Variants in MCIDAS observed in about 807,000 individuals in gnomAD.
The protein encoded by MCIDAS is multicilin.
Under a neutral mutation model 35.4 loss-of-function variants are expected in MCIDAS, and 23 were observed. The observed-to-expected ratio is 0.65, with a 90% CI of 0.47 to 0.92. The LOEUF (loss-of-function observed/expected upper bound fraction) is 0.92. Among genes scored for constraint, MCIDAS ranks in the 40% least tolerant of loss-of-function variants. The pLI is 0.00. For synonymous variants in MCIDAS, 228 were observed against 235.2 expected, an observed-to-expected ratio of 0.97 and a Z score of 0.28; for missense variants, 480 against 531.8, an observed-to-expected ratio of 0.90 and a Z score of 0.96.
Position 55,226,879 on chromosome 5 carries a change from G to A in MCIDAS, c.173C>T (p.Ser58Leu). 7.1e-7 allele frequency: 1 copy of A among 1,408,916 alleles called. No homozygotes were observed. Among genetic ancestry groups the A allele is most frequent in the Non-Finnish European group, 9.2e-7 (1 of 1,087,564 alleles). The allele number at this position is 1,408,916 out of a possible 1,614,324, so 87.3% of individuals were successfully genotyped here. Residue 58 changes from serine to leucine, a missense_variant, in exon 2 of 7, where the codon TCG (serine) becomes TTG (leucine). By Grantham distance (145) the Ser-to-Leu change is moderately radical. Transcript: ENST00000513312. ...FPGCTGGSPV[S>L]VYEDPPDAEP... Reference sequence around the variant, plus strand: ...GGCGTCCGGGGGATCCTCGTACACCGACACCGGGCTCCCGCCTGTGCATCC... The same window carrying A: ...GGCGTCCGGGGGATCCTCGTACACCAACACCGGGCTCCCGCCTGTGCATCC...
intron 6 of MCIDAS, 63 bp from the exon 7 acceptor site, chr5:55,220,869 CA>C: frequency 6.7e-7 from 1 of 1,483,736 alleles, no homozygotes; most frequent in East Asian, 2.5e-5. Flanking sequence ...TCGGAGCGTG[CA>C]AAAGGTGACC....
Position 55,221,754 on chromosome 5 carries a change from G to A in MCIDAS, c.606+422C>T, listed in dbSNP as rs549204501. Reference sequence around the variant, plus strand: ...AGCCTGGCCAACATGGTGAAACCCCGTCTCTACTAAAAATATAAAAATTGG... The same window carrying A: ...AGCCTGGCCAACATGGTGAAACCCCATCTCTACTAAAAATATAAAAATTGG... On this transcript the variant is annotated intron_variant, in intron 5 of 6. Coordinates refer to ENST00000513312, the MANE Select transcript of MCIDAS (RefSeq NM_001190787.3). 3.3e-5 allele frequency among the ~76,000 whole-genome samples: 5 copies of A among 152,054 alleles called. No individual in the cohort carries two copies. In the East Asian group the frequency reaches 7.7e-4, roughly 24 times the overall value.
At position 55,223,389 on chromosome 5, in the gene MCIDAS, G is replaced by A. The variant is rs993682147; in HGVS notation, c.310-366C>T. 6.6e-6 allele frequency among the ~76,000 whole-genome samples: 1 copy of A among 152,222 alleles called. No homozygotes were observed. Among genetic ancestry groups the A allele is most frequent in the Non-Finnish European group, 1.5e-5 (1 of 68,036 alleles). On this transcript the variant is annotated intron_variant, in intron 3 of 6. Coordinates refer to ENST00000513312, the MANE Select transcript of MCIDAS (RefSeq NM_001190787.3). The surrounding 1 kb of genome is among the most constrained non-coding windows in gnomAD (Gnocchi z 4.4). ...GACTGGGGGAAGGGGGCAGCAGTTC[G>A]CGGCTCCTGCAGAGCAGCTGCGTGG...
Position 55,220,225 on chromosome 5 carries a change from T to C in MCIDAS, c.*141A>G, listed in dbSNP as rs890028721. ...CTATACAATGTTTTGTAGCAGAAATTTACAATGCATCGGTATCAAGATGCT... is the reference window on the plus strand; with the variant it reads ...CTATACAATGTTTTGTAGCAGAAATCTACAATGCATCGGTATCAAGATGCT... On this transcript the variant is annotated 3_prime_UTR_variant, in exon 7 of 7. Transcript: ENST00000513312. The C allele has an allele frequency of 1.3e-6, 1 of 798,516 alleles. No individual in the cohort carries two copies. Among genetic ancestry groups the C allele is most frequent in the Non-Finnish European group, 1.9e-6 (1 of 519,334 alleles). 49.5% of individuals were successfully genotyped at this position (798,516 alleles called of 1,614,324 possible). A position where few individuals can be genotyped will look rare whatever the true frequency, so the allele number is the denominator to read the frequency against.
Position 55,220,008 on chromosome 5 carries a change from C to G in MCIDAS, c.*358G>C, listed in dbSNP as rs1745320427. On this transcript the variant is annotated 3_prime_UTR_variant, in exon 7 of 7. Transcript: ENST00000513312. The stretch of plus-strand genomic sequence containing the variant: ...CCCATTGCAGGAAATTACTTAATCT[C>G]TTAGAGCCTTCTTTTCCTTCTTATA... 5.4e-6 allele frequency: 1 copy of G among 186,762 alleles called. No homozygotes were observed. The highest frequency in any genetic ancestry group is 2.4e-5 in the African/African-American group (1 of 42,174). 11.6% of individuals were successfully genotyped at this position (186,762 alleles called of 1,614,324 possible). A position where few individuals can be genotyped will look rare whatever the true frequency, so the allele number is the denominator to read the frequency against.
chr5:55,221,800 T>C (rs145216434), intron 5 of MCIDAS, among the ~76,000 whole-genome samples: 2,382 of 152,034 alleles, frequency 0.016, 45 homozygotes, highest in African/African-American at 0.046. Context: ...TGGCATGCGC[T>C]TGTAATCCCA....
At position 55,223,177 on chromosome 5, in the gene MCIDAS, C is replaced by T. The variant is rs982353685; in HGVS notation, c.310-154G>A. On this transcript the variant is annotated intron_variant, in intron 3 of 6. Coordinates refer to ENST00000513312, the MANE Select transcript of MCIDAS (RefSeq NM_001190787.3). The surrounding 1 kb of genome is among the most constrained non-coding windows in gnomAD (Gnocchi z 4.4). ...TACCCCTAAGTCCCCCCAAATAAAACAATTTTTGTGGCGGGTCCGGAACCC... is the reference window on the plus strand; with the variant it reads ...TACCCCTAAGTCCCCCCAAATAAAATAATTTTTGTGGCGGGTCCGGAACCC... 5.3e-5 allele frequency among the ~76,000 whole-genome samples: 8 copies of T among 152,144 alleles called. No homozygotes were observed. Among genetic ancestry groups the T allele is most frequent in the Non-Finnish European group, 4.4e-5 (3 of 68,008 alleles).
At chr5:55,222,146 G>GATTCCTGCCTCTAT in intron 5 of MCIDAS, 30 bp downstream of exon 5, 1 of 1,531,274 alleles carries the variant, frequency 6.5e-7, no homozygotes, top group Non-Finnish European at 8.7e-7. Context: ...CCTGCCCCAG[G>GATTCCTGCCTCTAT]ATTCCTGGTC....
At chr5:55,222,468 CA>C (rs1262011855) in intron 4 of MCIDAS, 69 bp from the exon 5 acceptor site, 6 of 1,249,202 alleles carry the variant, frequency 4.8e-6, no homozygotes, top group Non-Finnish European at 6.5e-6. Flanking sequence ...AGCAAAATGC[CA>C]CTCTGGGTGT....
intron 3 of MCIDAS, 78 bp downstream of exon 3, chr5:55,226,498 T>G: frequency 1.4e-6 from 2 of 1,382,916 alleles, no homozygotes; most frequent in Admixed American, 2.4e-5. Context: ...AGAGGAGCTT[T>G]TGGGGAATTA....
In MCIDAS at chr5:55,222,210, C is replaced by T; in HGVS notation, c.572G>A (p.Arg191Lys). 1 of 1,535,610 alleles carries T rather than the reference C, an allele frequency of 6.5e-7. No homozygotes were observed. Among genetic ancestry groups the T allele is most frequent in the Non-Finnish European group, 8.7e-7 (1 of 1,146,918 alleles). ...YWKEVADQNQ[R>K]ALGDALVENN... The stretch of plus-strand genomic sequence containing the variant: ...CTCAACAAGCGCGTCTCCCAACGCT[C>T]TCTGGTTCTGGTCCGCCACCTCCTT... Residue 191 changes from arginine (R) to lysine (K), a missense_variant, in exon 5 of 7, where the codon AGA becomes AAA. Physicochemically the swap from Arg to Lys is conservative, Grantham distance 26. Transcript: ENST00000513312.
chr5:55,227,283 G>A lies in MCIDAS; in HGVS notation c.-145C>T. 1 of 1,148,792 alleles carries A rather than the reference G, an allele frequency of 8.7e-7. No homozygotes were observed. The highest frequency in any genetic ancestry group is 1.1e-6 in the Non-Finnish European group (1 of 878,688). The allele number at this position is 1,148,792 out of a possible 1,614,324, so 71.2% of individuals were successfully genotyped here. ...AGGCGCGTGACCGAGAAGGAGCCGAGGGGCTGCCGAGGAGGTGCTGAGAGA... is the reference window on the plus strand; with the variant it reads ...AGGCGCGTGACCGAGAAGGAGCCGAAGGGCTGCCGAGGAGGTGCTGAGAGA... On this transcript the variant is annotated 5_prime_UTR_variant, in exon 1 of 7. Transcript: ENST00000513312.
Position 55,223,100 on chromosome 5 carries a change from T to A in MCIDAS, c.310-77A>T. 1.6e-6 allele frequency: 2 copies of A among 1,237,888 alleles called. No individual in the cohort carries two copies. The highest frequency in any genetic ancestry group is 2.3e-6 in the Non-Finnish European group (2 of 876,762). 76.7% of individuals were successfully genotyped at this position (1,237,888 alleles called of 1,614,324 possible). A position where few individuals can be genotyped will look rare whatever the true frequency, so the allele number is the denominator to read the frequency against. ...CTTCAATAAATATTGGCGTCCCTGTTAAAAATCTGGCAGGCACTATGCAAT... is the reference window on the plus strand; with the variant it reads ...CTTCAATAAATATTGGCGTCCCTGTAAAAAATCTGGCAGGCACTATGCAAT... On this transcript the variant is annotated intron_variant, in intron 3 of 6. Transcript: ENST00000513312. This position sits in a 1 kb window ranked among gnomAD's most constrained non-coding sequence, Gnocchi z 4.4.
At position 55,220,235 on chromosome 5, in the gene MCIDAS, T is replaced by C. The variant is rs557262144; in HGVS notation, c.*131A>G. On this transcript the variant is annotated 3_prime_UTR_variant, in exon 7 of 7. Transcript: ENST00000513312. ...TTTTGTAGCAGAAATTTACAATGCA[T>C]CGGTATCAAGATGCTTTTGTTCCTG... The C allele has an allele frequency of 1.2e-5, 10 of 841,720 alleles. No homozygotes were observed. The African/African-American group carries it at 1.7e-4, about 14-fold the overall frequency. The allele number at this position is 841,720 out of a possible 1,614,324, so 52.1% of individuals were successfully genotyped here. A position where few individuals can be genotyped will look rare whatever the true frequency, so the allele number is the denominator to read the frequency against.
At chr5:55,222,828 T>A (rs1372955329) in intron 4 of MCIDAS, 123 bp downstream of exon 4, 2 of 810,010 alleles carry the variant, frequency 2.5e-6, no homozygotes, top group East Asian at 5.3e-5. Flanking sequence ...TTTGATGAGT[T>A]GCTGGAGAGT....
At position 55,221,282 on chromosome 5, in the gene MCIDAS, T is replaced by TA. The variant is rs567691012; in HGVS notation, c.607-157_607-156insT. On this transcript the variant is annotated intron_variant, in intron 5 of 6. Coordinates refer to ENST00000513312, the MANE Select transcript of MCIDAS (RefSeq NM_001190787.3). ...GAATAATAATCAATTTACTTTTTTT[T>TA]TAAAACAAAGCACTTGGACAAAATT... Among the ~76,000 whole-genome samples the TA allele has an allele frequency of 2.7e-3, 412 of 151,604 alleles. 2 individuals carry two copies. Among genetic ancestry groups the TA allele is most frequent in the African/African-American group, 9.5e-3 (392 of 41,306 alleles).
intron 3 of MCIDAS, 40 bp downstream of exon 3, chr5:55,226,536 G>C (rs1334935094): frequency 6.6e-7 from 1 of 1,519,648 alleles, no homozygotes; most frequent in Admixed American, 2.0e-5. Context: ...GAGGGTTTGG[G>C]TTGCGTGAAA....
chr5:55,222,109 C>T (rs1745369924), intron 5 of MCIDAS, 67 bp downstream of exon 5: 2 of 1,467,828 alleles, frequency 1.4e-6, no homozygotes, highest in Non-Finnish European at 1.8e-6. Flanking sequence ...CCCTTGCAAA[C>T]CCCACTTCCA....
intron 2 of MCIDAS, 73 bp downstream of exon 2, chr5:55,226,762 C>T: frequency 1.4e-6 from 2 of 1,400,184 alleles, no homozygotes; most frequent in Non-Finnish European, 1.8e-6. Flanking sequence ...GAGAGAAGCT[C>T]CTCCGAGCTG....
Sources: allele counts gnomAD v4.1 joint callset (sites outside exome capture counted in the v4.1 genomes callset), GRCh38; gene constraint gnomAD v4.1.1; non-coding constraint Gnocchi (gnomAD v3.1); transcripts MANE v1.5; gene names NCBI Gene and HGNC (gene_info 2026-07-23, HGNC 2026-07-21).